Variants in ASPG observed in about 807,000 individuals in gnomAD.
The protein encoded by ASPG is 60 kDa lysophospholipase.
A neutral mutation model predicts 63.2 loss-of-function variants in ASPG; 53 were observed. The ratio of observed to expected loss-of-function variants is 0.84; its 90% confidence interval spans 0.67 to 1.05. The LOEUF is 1.05. ASPG is among the 50% of genes least tolerant of loss of function. The pLI is 0.00. For synonymous variants in ASPG, 370 were observed against 355.0 expected, an observed-to-expected ratio of 1.04 and a Z score of -0.48; for missense variants, 741 against 794.4, an observed-to-expected ratio of 0.93 and a Z score of 0.81.
chr14:104,090,043 A>C (rs2036324152), intron 1 of ASPG, among the ~76,000 whole-genome samples: 1 of 152,058 alleles, frequency 6.6e-6, no homozygotes. Context: ...CTGGGCTCAA[A>C]TGATCTTCCT....
chr14:104,110,470 G>A lies in ASPG; in HGVS notation c.1521-1032G>A. 1.0e-6 allele frequency: 1 copy of A among 985,346 alleles called. No homozygotes were observed. The highest frequency in any genetic ancestry group is 1.2e-6 in the Non-Finnish European group (1 of 829,896). The allele number at this position is 985,346 out of a possible 1,614,324, so 61.0% of individuals were successfully genotyped here. On this transcript the variant is annotated intron_variant, in intron 13 of 15. Coordinates refer to ENST00000551177, the MANE Select transcript of ASPG (RefSeq NM_001080464.3). This position sits in a 1 kb window ranked among gnomAD's most constrained non-coding sequence, Gnocchi z 4.7. ...GCAGTAGTCAGGTCCTGTGGGAGCT[G>A]GGACCAGAACCCTGGTCCAGGACTC...
At position 104,092,747 on chromosome 14, in the gene ASPG, T is replaced by C; in HGVS notation, c.191+6T>C. ...GAGGACACCCTGGTGCTACCGTGAG[T>C]GTGGGCTCCTCCCAGTCCCGGACAG... On this transcript the variant is annotated splice_donor_region_variant and intron_variant, in intron 2 of 15. Coordinates refer to ENST00000551177, the MANE Select transcript of ASPG (RefSeq NM_001080464.3). The C allele has an allele frequency of 6.5e-7, 1 of 1,534,200 alleles. No individual in the cohort carries two copies. Among genetic ancestry groups the C allele is most frequent in the Non-Finnish European group, 8.7e-7 (1 of 1,145,558 alleles).
rs756566724 is a variant in ASPG at position 104,092,705 on chromosome 14, G to C, written c.155G>C (p.Arg52Pro). The C allele has an allele frequency of 5.2e-6, 8 of 1,537,272 alleles. No individual in the cohort carries two copies. Among genetic ancestry groups the C allele is most frequent in the Non-Finnish European group, 6.1e-6 (7 of 1,147,384 alleles). ...ATGTTCCATGACGAGGAGCACGCCC[G>C]AGCCCGCGGCCTCTCTGAGGACACC... The part of the protein sequence containing the change: ...LPMFHDEEHA[R>P]ARGLSEDTLV... The change falls in exon 2 of 16, where the codon CGA becomes CCA. Residue 52 changes from arginine to proline, a missense_variant. By Grantham distance (103) the Arg-to-Pro change is moderately radical (BLOSUM62 -2). Transcript: ENST00000551177.
At chr14:104,106,720 C>T in intron 10 of ASPG, 79 bp from the exon 11 acceptor site, 1 of 1,290,706 alleles carries the variant, frequency 7.7e-7, no homozygotes, top group Non-Finnish European at 1.1e-6. Flanking sequence ...TGGCAGGGGT[C>T]ATACAGCACC....
chr14:104,109,814 C>T lies in ASPG; in HGVS notation c.1520+499C>T, dbSNP rs1241286351. Among the ~76,000 whole-genome samples the T allele has an allele frequency of 2.6e-5, 4 of 152,108 alleles. No homozygotes were observed. The highest frequency in any genetic ancestry group is 4.4e-5 in the Non-Finnish European group (3 of 67,988). ...TCCTGGGATAAACTGACCTAGGCCC[C>T]GCCTCCACCTGCTGGCCGCATGGCA... On this transcript the variant is annotated intron_variant, in intron 13 of 15. Transcript: ENST00000551177. The surrounding 1 kb of genome is among the most constrained non-coding windows in gnomAD (Gnocchi z 4.8).
chr14:104,110,677 G>A lies in ASPG; in HGVS notation c.1521-825G>A. 1 of 985,348 alleles carries A rather than the reference G, an allele frequency of 1.0e-6. No homozygotes were observed. Among genetic ancestry groups the A allele is most frequent in the Non-Finnish European group, 1.2e-6 (1 of 829,886 alleles). 61.0% of individuals were successfully genotyped at this position (985,348 alleles called of 1,614,324 possible). ...CCAGTGCCACTGCAGGGCTGCTGCT[G>A]TTTCCTGGGTAGGCGCAGAGTCCCT... On this transcript the variant is annotated intron_variant, in intron 13 of 15. Transcript: ENST00000551177. This position sits in a 1 kb window ranked among gnomAD's most constrained non-coding sequence, Gnocchi z 4.7.
intron 6 of ASPG, 84 bp from the exon 7 acceptor site, chr14:104,103,479 C>A: frequency 2.5e-6 from 3 of 1,203,256 alleles, no homozygotes; most frequent in Non-Finnish European, 3.5e-6. Flanking sequence ...GAGGAGGCGG[C>A]CTGTGCAGAG....
intron 2 of ASPG, chr14:104,093,153 T>G: frequency 2.0e-6 from 1 of 497,134 alleles, no homozygotes. Context: ...GTTGCCCTCG[T>G]GGTGGCTGAC....
In ASPG at chr14:104,092,746, G is replaced by T; in HGVS notation, c.191+5G>T. 5.2e-6 allele frequency: 8 copies of T among 1,534,620 alleles called. No homozygotes were observed. Among genetic ancestry groups the T allele is most frequent in the Non-Finnish European group, 7.0e-6 (8 of 1,145,812 alleles). On this transcript the variant is annotated splice_donor_5th_base_variant and intron_variant, in intron 2 of 15. Transcript: ENST00000551177. ...TGAGGACACCCTGGTGCTACCGTGA[G>T]TGTGGGCTCCTCCCAGTCCCGGACA... is the stretch of plus-strand genomic sequence containing the variant.
intron 3 of ASPG, among the ~76,000 whole-genome samples, 188 bp downstream of exon 3, chr14:104,093,790 G>T (rs1191426015): frequency 7.1e-6 from 1 of 141,438 alleles, no homozygotes; most frequent in Non-Finnish European, 1.6e-5. Context: ...GGGCTGTGGA[G>T]TGTGGGTGGG....
Position 104,095,652 on chromosome 14 carries a change from C to T in ASPG, c.425C>T (p.Ala142Val), listed in dbSNP as rs771310910. The change falls in exon 4 of 16, where the codon GCC (alanine) becomes GTC (valine). Residue 142 changes from alanine (A) to valine (V), a missense_variant. Transcript: ENST00000551177. ...NLQKTVILTGAQVPIHALWSD... is the reference protein window; with the variant it reads ...NLQKTVILTGVQVPIHALWSD... Reference sequence around the variant, plus strand: ...CAGAAGACTGTCATCCTCACTGGGGCCCAGGTAATCCCAGGGGCCCGGGGC... The same window carrying T: ...CAGAAGACTGTCATCCTCACTGGGGTCCAGGTAATCCCAGGGGCCCGGGGC... 7.4e-6 allele frequency: 12 copies of T among 1,612,510 alleles called. No individual in the cohort carries two copies. Among genetic ancestry groups the T allele is most frequent in the Non-Finnish European group, 1.0e-5 (12 of 1,179,794 alleles).
At chr14:104,088,643 G>A (rs139893580) in intron 1 of ASPG, among the ~76,000 whole-genome samples, 1,648 of 152,344 alleles carry the variant, frequency 0.011, 40 homozygotes, top group African/African-American at 0.037. Context: ...CCCAGCAGTC[G>A]AGAGTGTCAG....
intron 1 of ASPG, among the ~76,000 whole-genome samples, chr14:104,088,955 T>G (rs756755385): frequency 2.0e-5 from 3 of 152,136 alleles, no homozygotes; most frequent in Non-Finnish European, 2.9e-5. Context: ...AGGGCCCTCA[T>G]TGAGAAAAGT....
chr14:104,090,668 G>T (rs60151872), intron 1 of ASPG, among the ~76,000 whole-genome samples: 1 of 152,220 alleles, frequency 6.6e-6, no homozygotes, highest in Non-Finnish European at 1.5e-5. Flanking sequence ...CTGCCCTGTC[G>T]TCATATGGCC....
intron 4 of ASPG, 49 bp downstream of exon 4, chr14:104,095,705 A>G (rs2036567988): frequency 9.9e-6 from 16 of 1,609,000 alleles, no homozygotes; most frequent in Non-Finnish European, 1.4e-5. Context: ...TCCTGAGGCC[A>G]CAGGGCAAGT....
chr14:104,113,630 A>T lies in ASPG; in HGVS notation c.*1086A>T, dbSNP rs1267391122. ...GTCCCTCTGTTTGGCTGGCCTCTGGACTGGAGCCCCAGGAGGGCAAAAGCA... is the reference window on the plus strand; with the variant it reads ...GTCCCTCTGTTTGGCTGGCCTCTGGTCTGGAGCCCCAGGAGGGCAAAAGCA... On this transcript the variant is annotated 3_prime_UTR_variant, in exon 16 of 16. Coordinates refer to ENST00000551177, the MANE Select transcript of ASPG (RefSeq NM_001080464.3). 2.0e-5 allele frequency: 3 copies of T among 152,150 alleles called. No individual in the cohort carries two copies. Among genetic ancestry groups the T allele is most frequent in the African/African-American group, 2.4e-5 (1 of 41,402 alleles). 9.4% of individuals were successfully genotyped at this position (152,150 alleles called of 1,614,324 possible). A position where few individuals can be genotyped will look rare whatever the true frequency, so the allele number is the denominator to read the frequency against.
rs557046172 is a variant in ASPG at position 104,099,191 on chromosome 14, G to A, written c.640+212G>A. Among the ~76,000 whole-genome samples, 40 of 152,332 alleles carry A rather than the reference G, an allele frequency of 2.6e-4. 1 individual carries two copies. The highest frequency in any genetic ancestry group is 9.6e-4 in the African/African-American group (40 of 41,574). On this transcript the variant is annotated intron_variant, in intron 6 of 15. Coordinates refer to ENST00000551177, the MANE Select transcript of ASPG (RefSeq NM_001080464.3). ...GGCCACAGAGGTGGGGGCCTCCTCA[G>A]GTCCCTGCAGGCTCAGAGGCGGGAG...
At position 104,104,429 on chromosome 14, in the gene ASPG, C is replaced by A; in HGVS notation, c.879C>A (p.Ile293=). 1 of 1,612,594 alleles carries A rather than the reference C, an allele frequency of 6.2e-7. No individual in the cohort carries two copies. Among genetic ancestry groups the A allele is most frequent in the African/African-American group, 1.3e-5 (1 of 75,058 alleles). Residue 293 remains isoleucine (I), a synonymous_variant, in exon 8 of 16, where the codon ATC becomes ATA. Transcript: ENST00000551177. ...TGGCCACCGAGCGCGGCCTGGTCAT[C>A]GTCAACTGTACCCACTGCCTCCAGG... ...LRVATERGLV[I]VNCTHCLQGA... is the part of the protein sequence containing the mutation.
chr14:104,108,198 C>T (rs1446543526), intron 12 of ASPG, among the ~76,000 whole-genome samples: 2 of 151,808 alleles, frequency 1.3e-5, no homozygotes, highest in African/African-American at 4.8e-5. Flanking sequence ...TTCCAGCCTC[C>T]TGTGATCATT....
Sources: allele counts gnomAD v4.1 joint callset (sites outside exome capture counted in the v4.1 genomes callset), GRCh38; gene constraint gnomAD v4.1.1; non-coding constraint Gnocchi (gnomAD v3.1); transcripts MANE v1.5; gene names NCBI Gene and HGNC (gene_info 2026-07-23, HGNC 2026-07-21).